Variants in SMYD1 observed in about 807,000 individuals in gnomAD.
SMYD1 encodes the protein SET and MYND domain containing 1.
SMYD1 carries 49 observed loss-of-function variants against 54.0 expected under a neutral mutation model. The observed-to-expected ratio is 0.91, with a 90% CI of 0.72 to 1.15. The LOEUF is 1.15. Among genes scored for constraint, SMYD1 ranks in the 50% most tolerant of loss-of-function variants. The pLI is 0.00. For synonymous variants in SMYD1, 269 were observed against 234.2 expected, an observed-to-expected ratio of 1.15 and a Z score of -1.36; for missense variants, 653 against 639.6, an observed-to-expected ratio of 1.02 and a Z score of -0.23.
At chr2:88,074,828 T>C (rs970483544) in intron 1 of SMYD1, among the ~76,000 whole-genome samples, 1 of 152,162 alleles carries the variant, frequency 6.6e-6, no homozygotes, top group African/African-American at 2.4e-5. Flanking sequence ...ACCAGGCTTT[T>C]TTTGAAAATG....
At chr2:88,081,213 C>T (rs901459876) in intron 1 of SMYD1, among the ~76,000 whole-genome samples, 2 of 151,612 alleles carry the variant, frequency 1.3e-5, no homozygotes, top group African/African-American at 4.8e-5. Flanking sequence ...TGGATATGTT[C>T]ATTATCTTGA....
rs1675054350 is a variant in SMYD1, at chr2:88,112,636, T to C, written c.*2124T>C. On this transcript the variant is annotated 3_prime_UTR_variant, in exon 10 of 10. Coordinates refer to ENST00000419482, the MANE Select transcript of SMYD1 (RefSeq NM_198274.4). ...ACTTTGCATTTCTTCTTGAATCCAT[T>C]GCAGATTGACTTCCACTCCCACTCC... 1 of 156,974 alleles carries C rather than the reference T, an allele frequency of 6.4e-6. No individual in the cohort carries two copies. Among genetic ancestry groups the C allele is most frequent in the African/African-American group, 2.4e-5 (1 of 41,526 alleles). The allele number at this position is 156,974 out of a possible 1,614,324, so 9.7% of individuals were successfully genotyped here. A position where few individuals can be genotyped will look rare whatever the true frequency, so the allele number is the denominator to read the frequency against.
intron 1 of SMYD1, among the ~76,000 whole-genome samples, chr2:88,072,043 T>C (rs1673960276): frequency 6.6e-6 from 1 of 152,140 alleles, no homozygotes; most frequent in African/African-American, 2.4e-5. Context: ...TTCTGGTGTA[T>C]ATCCTCCTTG....
At position 88,079,356 on chromosome 2, in the gene SMYD1, A is replaced by C. The variant is rs142447614; in HGVS notation, c.138-4960A>C. The stretch of plus-strand genomic sequence containing the variant: ...GATTATTCTATAATCAGGCCCTATT[A>C]GAAGTGTATTAAGTTAGTTAATGGG... On this transcript the variant is annotated intron_variant, in intron 1 of 9. Coordinates refer to ENST00000419482, the MANE Select transcript of SMYD1 (RefSeq NM_198274.4). Among the ~76,000 whole-genome samples the C allele has an allele frequency of 2.7e-3, 417 of 152,320 alleles. 1 individual carries two copies. The highest frequency in any genetic ancestry group is 3.5e-3 in the Non-Finnish European group (236 of 68,034).
intron 1 of SMYD1, among the ~76,000 whole-genome samples, chr2:88,077,780 G>C (rs1042288883): frequency 6.8e-6 from 1 of 147,532 alleles, no homozygotes; most frequent in East Asian, 2.0e-4. Context: ...CTAGAGTGCC[G>C]TGGCGTGATC....
chr2:88,096,606 G>A lies in SMYD1; in HGVS notation c.710G>A (p.Arg237Gln), dbSNP rs142954295. The A allele has an allele frequency of 3.4e-5, 54 of 1,611,860 alleles. No individual in the cohort carries two copies. The African/African-American group carries it at 3.5e-4, about 10-fold the overall frequency. Residue 237 changes from arginine to glutamine, a missense_variant, in exon 6 of 10, where the codon CGG becomes CAG. Arg to Gln is a conservative substitution (Grantham distance 43). Transcript: ENST00000419482. The stretch of plus-strand genomic sequence containing the variant: ...TCACCCTGCTTCAGAATTGAGCTCC[G>A]GGCCCTAGGCAAGATCTCAGAAGGA... Reference protein sequence around the residue: ...MFHTQMRIELRALGKISEGEE... With the variant: ...MFHTQMRIELQALGKISEGEE...
chr2:88,088,635 C>T (rs1674394811), intron 3 of SMYD1, among the ~76,000 whole-genome samples: 1 of 152,278 alleles, frequency 6.6e-6, no homozygotes. Context: ...GGTAATTTAT[C>T]CTCTTACTTA....
At chr2:88,078,147 C>A (rs1277531179) in intron 1 of SMYD1, among the ~76,000 whole-genome samples, 3 of 152,144 alleles carry the variant, frequency 2.0e-5, no homozygotes. Context: ...AGGAGCTCAG[C>A]GATCAACCTG....
At chr2:88,103,506 T>G (rs575623524) in intron 7 of SMYD1, among the ~76,000 whole-genome samples, 1 of 152,246 alleles carries the variant, frequency 6.6e-6, no homozygotes, top group Admixed American at 6.5e-5. Context: ...TTTCCCATAA[T>G]TGAATGCATG....
At chr2:88,088,551 TC>T (rs1674392208) in intron 3 of SMYD1, among the ~76,000 whole-genome samples, 1 of 152,212 alleles carries the variant, frequency 6.6e-6, no homozygotes, top group Admixed American at 6.5e-5. Context: ...GTGAGGCCAT[TC>T]CTGCTGTATC....
intron 9 of SMYD1, among the ~76,000 whole-genome samples, chr2:88,109,786 T>C (rs928667756): frequency 1.3e-5 from 2 of 152,144 alleles, no homozygotes; most frequent in Admixed American, 6.5e-5. Flanking sequence ...GCGGACTAAC[T>C]AGCTTTATGT....
Position 88,093,555 on chromosome 2 carries a change from G to T in SMYD1, c.698G>T (p.Arg233Ile), listed in dbSNP as rs1674509442. The change falls in exon 5 of 10, where the codon AGA becomes ATA. Residue 233 changes from arginine to isoleucine, a missense_variant and splice_region_variant. Physicochemically the swap from Arg to Ile is moderately conservative, Grantham distance 97. Transcript: ENST00000419482. ...AVKSMFHTQMRIELRALGKIS... is the reference protein window; with the variant it reads ...AVKSMFHTQMIIELRALGKIS... ...AAATCCATGTTTCATACCCAGATGA[G>T]GTGGGTCAGTCCTTTCAAGCATCCC... 6.2e-7 allele frequency: 1 copy of T among 1,613,976 alleles called. No homozygotes were observed. Among genetic ancestry groups the T allele is most frequent in the Admixed American group, 1.7e-5 (1 of 59,990 alleles).
chr2:88,092,094 T>C (rs1474984440), intron 4 of SMYD1, among the ~76,000 whole-genome samples: 1 of 152,174 alleles, frequency 6.6e-6, no homozygotes, highest in Non-Finnish European at 1.5e-5. Context: ...ACCAGCCAGC[T>C]GGCACCATGG....
intron 3 of SMYD1, 144 bp downstream of exon 3, chr2:88,088,219 A>G (rs1674385043): frequency 7.0e-6 from 7 of 1,000,314 alleles, no homozygotes; most frequent in Non-Finnish European, 9.9e-6. Context: ...CTATTTCCAT[A>G]AAGGTCTCAT....
In SMYD1 at chr2:88,110,368, G is replaced by A. The variant is rs1674988641; in HGVS notation, c.1329G>A (p.Gln443=). 1.2e-5 allele frequency: 20 copies of A among 1,612,452 alleles called. No individual in the cohort carries two copies. Among genetic ancestry groups the A allele is most frequent in the Non-Finnish European group, 1.6e-5 (19 of 1,179,322 alleles). ...GTGTCCCACAGGCCATGCGGGTGCAGACGGAGATGGAGCTACGCATGTTCC... is the reference window on the plus strand; with the variant it reads ...GTGTCCCACAGGCCATGCGGGTGCAAACGGAGATGGAGCTACGCATGTTCC... ...ITKDLEAMRV[Q]TEMELRMFRQ... is the part of the protein sequence containing the mutation. Residue 443 remains glutamine (Q), a synonymous_variant, in exon 10 of 10, where the codon CAG becomes CAA. Coordinates refer to ENST00000419482, the MANE Select transcript of SMYD1 (RefSeq NM_198274.4).
chr2:88,073,443 G>A (rs948512939), intron 1 of SMYD1, among the ~76,000 whole-genome samples: 1 of 152,158 alleles, frequency 6.6e-6, no homozygotes, highest in African/African-American at 2.4e-5. Flanking sequence ...GGATTTCTGG[G>A]TCGAATGGTA....
chr2:88,099,010 C>A (rs1024803623), intron 6 of SMYD1, among the ~76,000 whole-genome samples: 1 of 152,112 alleles, frequency 6.6e-6, no homozygotes, highest in African/African-American at 2.4e-5. Context: ...GACATTTTTC[C>A]TCAGTTGTGT....
At chr2:88,090,622 G>A (rs1674439687) in intron 3 of SMYD1, among the ~76,000 whole-genome samples, 1 of 152,048 alleles carries the variant, frequency 6.6e-6, no homozygotes, top group South Asian at 2.1e-4. Flanking sequence ...GGAAACAGGG[G>A]AAGGAAAAGC....
intron 1 of SMYD1, among the ~76,000 whole-genome samples, chr2:88,068,545 G>GAAAT (rs1673880388): frequency 6.6e-6 from 1 of 151,002 alleles, no homozygotes; most frequent in South Asian, 2.1e-4. Context: ...TTTCCTTCTA[G>GAAAT]AATGTTCCTG....
Sources: gnomAD v4.1 joint callset for allele counts (sites outside exome capture counted in the v4.1 genomes callset) on GRCh38, gnomAD v4.1.1 for gene constraint, MANE v1.5 for transcripts, NCBI Gene and HGNC (gene_info 2026-07-23, HGNC 2026-07-21) for gene names.